The following TBC1D9 variants were observed in gnomAD, a reference collection of about 807,000 sequenced individuals.
The protein encoded by TBC1D9 is TBC1 domain family member 9A.
TBC1D9 carries 63 observed loss-of-function variants against 132.0 expected under a neutral mutation model. That is an observed-to-expected ratio of 0.48 (90% confidence interval 0.39 to 0.59). The LOEUF (loss-of-function observed/expected upper bound fraction) is 0.59, where lower values mean the gene tolerates loss of function less well. TBC1D9 is among the 20% of genes least tolerant of loss of function. The pLI, the probability that TBC1D9 is intolerant of heterozygous loss-of-function variation, is 0.00. For missense variants in TBC1D9, 1,261 were observed against 1,592.7 expected (o/e 0.79, Z 3.54); for synonymous variants, 610 against 609.9 (o/e 1.00, Z 0.00).
At chr4:140,709,205 A>T (rs1738191412) in intron 1 of TBC1D9, among the ~76,000 whole-genome samples, 1 of 143,202 alleles carries the variant, frequency 7.0e-6, no homozygotes. Context: ...ACCTGTGGGG[A>T]AGGAACCAGC....
At chr4:140,643,648 G>T in intron 13 of TBC1D9, 1 of 1,073,430 alleles carries the variant, frequency 9.3e-7, no homozygotes, top group Non-Finnish European at 1.3e-6. Context: ...ACCTCCACTG[G>T]CTCCTCCTTG....
At chr4:140,657,326 GGACTAGA>G in intron 12 of TBC1D9, 100 bp from the exon 13 acceptor site, 1 of 1,443,300 alleles carries the variant, frequency 6.9e-7, no homozygotes, top group Non-Finnish European at 9.4e-7. Flanking sequence ...TTAAAACAAA[GGACTAGA>G]GTTTCTTTAA....
chr4:140,634,207 T>C lies in TBC1D9; in HGVS notation c.2506-19A>G, dbSNP rs779589056. ...GTTCTGCCTGAAAAAGAATGGATGA[T>C]CACTGGGGACCCTCTTTTGCAGCAA... On this transcript the variant is annotated intron_variant, in intron 15 of 20. Transcript: ENST00000442267. 5.0e-6 allele frequency: 8 copies of C among 1,608,610 alleles called. No individual in the cohort carries two copies. The highest frequency in any genetic ancestry group is 4.2e-6 in the Non-Finnish European group (5 of 1,179,030).
Position 140,622,261 on chromosome 4 carries a change from G to GT in TBC1D9, c.3734dup (p.Asn1245LysfsTer14). Reference sequence around the variant, plus strand: ...TGAGGGGCTTGCCCATCATCCGGATGTTTTTTGCACTGGTAATCCTGGCCA... The same window carrying GT: ...TGAGGGGCTTGCCCATCATCCGGATGTTTTTTTGCACTGGTAATCCTGGCCA... On this transcript the variant is annotated frameshift_variant, in exon 21 of 21. Transcript: ENST00000442267. LOFTEE classifies it high-confidence loss of function. 1 of 1,607,020 alleles carries GT rather than the reference G, an allele frequency of 6.2e-7. No homozygotes were observed. The highest frequency in any genetic ancestry group is 8.5e-7 in the Non-Finnish European group (1 of 1,174,050).
At chr4:140,705,819 T>A (rs1738142394) in intron 1 of TBC1D9, among the ~76,000 whole-genome samples, 1 of 152,216 alleles carries the variant, frequency 6.6e-6, no homozygotes, top group Admixed American at 6.5e-5. Context: ...TTTTAGCAGC[T>A]GTTCTAGTCA....
intron 1 of TBC1D9, among the ~76,000 whole-genome samples, chr4:140,740,427 T>C (rs1377614411): frequency 3.3e-5 from 5 of 152,210 alleles, no homozygotes; most frequent in Non-Finnish European, 7.3e-5. Context: ...AATCTCATCT[T>C]CCTGGGTGCA....
Position 140,661,972 on chromosome 4 carries a change from T to G in TBC1D9, c.1724A>C (p.Gln575Pro), listed in dbSNP as rs1283748540. The part of the protein sequence containing the change: ...HRSLPEHPAF[Q>P]NEMGIAALRR... ...TAGTGCAGCAATGCCCATTTCATTC[T>G]GAAAAGCTGGGTGTTCTGGAAGGGA... is the stretch of plus-strand genomic sequence containing the variant. Residue 575 changes from glutamine to proline, a missense_variant, in exon 10 of 21, where the codon CAG (glutamine) becomes CCG (proline). Physicochemically the swap from Gln to Pro is moderately conservative, Grantham distance 76 (BLOSUM62 -1). This residue lies in a region of TBC1D9 where 93 missense variants were observed against 169.2 expected (regional missense o/e 0.55). Transcript: ENST00000442267. 1 of 1,614,046 alleles carries G rather than the reference T, an allele frequency of 6.2e-7. No individual in the cohort carries two copies. Among genetic ancestry groups the G allele is most frequent in the Non-Finnish European group, 8.5e-7 (1 of 1,179,894 alleles).
At chr4:140,708,673 G>T (rs140603434) in intron 1 of TBC1D9, among the ~76,000 whole-genome samples, 1 of 152,120 alleles carries the variant, frequency 6.6e-6, no homozygotes, top group African/African-American at 2.4e-5. Flanking sequence ...TTATAAATGC[G>T]CCAGAGTTCC....
rs372835510 is a variant in TBC1D9, at chr4:140,657,956, T to G, written c.1922-144A>C. 399 of 889,396 alleles carry G rather than the reference T, an allele frequency of 4.5e-4. 2 individuals are homozygous for G. Among genetic ancestry groups the G allele is most frequent in the Middle Eastern group, 2.9e-3 (8 of 2,768 alleles). The allele number at this position is 889,396 out of a possible 1,614,324, so 55.1% of individuals were successfully genotyped here. A position where few individuals can be genotyped will look rare whatever the true frequency, so the allele number is the denominator to read the frequency against. On this transcript the variant is annotated intron_variant, in intron 11 of 20. Transcript: ENST00000442267. ...TGCTGTGACTGTTACTAGACCAAGG[T>G]GTCAACACAGCTCAGTCACCAGATT...
At chr4:140,683,378 G>A (rs1737733732) in intron 3 of TBC1D9, among the ~76,000 whole-genome samples, 1 of 152,112 alleles carries the variant, frequency 6.6e-6, no homozygotes, top group Admixed American at 6.6e-5. Flanking sequence ...AAATAATCCA[G>A]AATGTAGAAC....
chr4:140,644,103 C>A, intron 13 of TBC1D9: 1 of 387,198 alleles, frequency 2.6e-6, no homozygotes, highest in Non-Finnish European at 5.0e-6. Context: ...AGGGGCCAGG[C>A]CATCCGCATC....
intron 1 of TBC1D9, among the ~76,000 whole-genome samples, chr4:140,735,493 C>CT (rs1738658948): frequency 6.6e-6 from 1 of 152,140 alleles, no homozygotes; most frequent in African/African-American, 2.4e-5. Flanking sequence ...AGGAGGATCA[C>CT]TTAAGCACAA....
At chr4:140,648,977 T>C (rs79290374) in intron 13 of TBC1D9, among the ~76,000 whole-genome samples, 3,267 of 152,304 alleles carry the variant, frequency 0.021, 96 homozygotes, top group African/African-American at 0.072. Flanking sequence ...GCAGTGTTTC[T>C]GTGATTTACT....
At position 140,621,519 on chromosome 4, in the gene TBC1D9, T is replaced by TG. The variant is rs1736613195; in HGVS notation, c.*675dup. 6.6e-6 allele frequency: 1 copy of TG among 152,172 alleles called. No individual in the cohort carries two copies. The highest frequency in any genetic ancestry group is 2.4e-5 in the African/African-American group (1 of 41,410). 9.4% of individuals were successfully genotyped at this position (152,172 alleles called of 1,614,324 possible). A position where few individuals can be genotyped will look rare whatever the true frequency, so the allele number is the denominator to read the frequency against. On this transcript the variant is annotated 3_prime_UTR_variant, in exon 21 of 21. Transcript: ENST00000442267. ...CAGAACAATTTCTTAAATGCAAAAT[T>TG]GGTCTGGTATCTGTCTAAATTGGTC...
At chr4:140,747,625 G>A (rs1358099945) in intron 1 of TBC1D9, among the ~76,000 whole-genome samples, 1 of 152,172 alleles carries the variant, frequency 6.6e-6, no homozygotes, top group African/African-American at 2.4e-5. Flanking sequence ...CTCCAAGGGG[G>A]AGAGCTCTAT....
intron 9 of TBC1D9, among the ~76,000 whole-genome samples, chr4:140,665,204 T>A (rs1454873558): frequency 4.6e-5 from 7 of 151,976 alleles, no homozygotes; most frequent in Admixed American, 2.0e-4. Context: ...TAAATCTTCA[T>A]GTCATGAGAG....
At chr4:140,683,558 A>C (rs1737738028) in intron 3 of TBC1D9, among the ~76,000 whole-genome samples, 1 of 152,242 alleles carries the variant, frequency 6.6e-6, no homozygotes, top group South Asian at 2.1e-4. Flanking sequence ...AAATCCTATT[A>C]TATCAGATGT....
chr4:140,641,288 C>CT (rs1377362068), intron 13 of TBC1D9, among the ~76,000 whole-genome samples: 1 of 152,042 alleles, frequency 6.6e-6, no homozygotes, highest in Admixed American at 6.5e-5. Context: ...ATCTTTTGAT[C>CT]TGAGTAAACA....
intron 1 of TBC1D9, among the ~76,000 whole-genome samples, chr4:140,725,388 A>G (rs1738483966): frequency 6.6e-6 from 1 of 152,180 alleles, no homozygotes; most frequent in Admixed American, 6.5e-5. Flanking sequence ...GGAATTCAAG[A>G]GGAGCCAACC....
Sources: allele counts gnomAD v4.1 joint callset (sites outside exome capture counted in the v4.1 genomes callset), GRCh38; gene constraint gnomAD v4.1.1; regional missense constraint gnomAD v4.1.1; transcripts MANE v1.5; gene names NCBI Gene and HGNC (gene_info 2026-07-23, HGNC 2026-07-21).